The following GRID2 variants were observed in gnomAD, a reference collection of about 807,000 sequenced individuals.
GRID2 encodes glutamate ionotropic receptor delta type subunit 2, also known as glutamate receptor ionotropic, delta-2.
Under a neutral mutation model 114.8 loss-of-function variants are expected in GRID2, and 33 were observed. The observed-to-expected ratio is 0.29, with a 90% CI of 0.22 to 0.38. The LOEUF (loss-of-function observed/expected upper bound fraction) is 0.38, where lower values mean the gene tolerates loss of function less well. Among genes scored for constraint, GRID2 ranks in the 10% least tolerant of loss-of-function variants. The pLI, the probability that GRID2 is intolerant of heterozygous loss-of-function variation, is 1.00. For synonymous variants in GRID2, 505 were observed against 449.9 expected (o/e 1.12, Z -1.55); for missense variants, 1,184 against 1,257.7 (o/e 0.94, Z 0.89).
intron 1 of GRID2, among the ~76,000 whole-genome samples, chr4:92,398,553 C>T (rs191020807): frequency 6.6e-5 from 10 of 152,270 alleles, no homozygotes; most frequent in African/African-American, 2.4e-4. Flanking sequence ...CCTGCCTCGG[C>T]CTTGCAAAGT....
intron 1 of GRID2, among the ~76,000 whole-genome samples, chr4:93,799,438 C>CT (rs749961644): frequency 1.1e-3 from 163 of 145,572 alleles, no homozygotes; most frequent in East Asian, 5.0e-3. Context: ...ACTGCAGCCC[C>CT]TTTTTTTTTT....
intron 2 of GRID2, among the ~76,000 whole-genome samples, chr4:92,994,744 A>G (rs939618001): frequency 7.2e-5 from 11 of 152,200 alleles, no homozygotes; most frequent in Admixed American, 2.6e-4. Flanking sequence ...ATGAAAGGCC[A>G]TGTTTTAAAG....
At chr4:93,458,196 G>C (rs919993902) in intron 11 of GRID2, among the ~76,000 whole-genome samples, 1 of 152,160 alleles carries the variant, frequency 6.6e-6, no homozygotes, top group Non-Finnish European at 1.5e-5. Flanking sequence ...AGTAGTATAC[G>C]TTTGGTTGAC....
intron 1 of GRID2, among the ~76,000 whole-genome samples, chr4:92,550,456 A>G (rs555214802): frequency 1.3e-5 from 2 of 152,308 alleles, no homozygotes; most frequent in South Asian, 2.1e-4. Context: ...AAATTTCTTC[A>G]TGGGTGAATT....
intron 2 of GRID2, among the ~76,000 whole-genome samples, chr4:92,766,879 A>G (rs1426066516): frequency 2.0e-5 from 3 of 152,204 alleles, no homozygotes; most frequent in African/African-American, 7.2e-5. Context: ...CTAGGAGTTA[A>G]ATAAGGACTG....
chr4:92,873,792 G>T (rs138013269), intron 2 of GRID2, among the ~76,000 whole-genome samples: 2 of 152,034 alleles, frequency 1.3e-5, no homozygotes, highest in African/African-American at 2.4e-5. Context: ...TCGGCTCACC[G>T]CAACTTCCAC....
intron 1 of GRID2, among the ~76,000 whole-genome samples, chr4:92,553,948 C>G (rs2149175378): frequency 6.6e-6 from 1 of 152,240 alleles, no homozygotes; most frequent in Non-Finnish European, 1.5e-5. Flanking sequence ...CCGTGCCCAG[C>G]CTATCATTAA....
At chr4:92,806,690 A>G (rs1008569944) in intron 2 of GRID2, among the ~76,000 whole-genome samples, 1 of 151,972 alleles carries the variant, frequency 6.6e-6, no homozygotes, top group Non-Finnish European at 1.5e-5. Context: ...TCATAGTTTG[A>G]AAAAATAATT....
intron 2 of GRID2, among the ~76,000 whole-genome samples, chr4:92,783,240 G>C (rs1402418055): frequency 6.6e-6 from 1 of 151,984 alleles, no homozygotes; most frequent in African/African-American, 2.4e-5. Context: ...GTTTTCAAAT[G>C]CTTCTTTTAT....
In GRID2 at chr4:93,773,659, C is replaced by G. The variant is rs1354393989; in HGVS notation, c.*1161C>G. On this transcript the variant is annotated 3_prime_UTR_variant, in exon 16 of 16. Coordinates refer to ENST00000282020, the MANE Select transcript of GRID2 (RefSeq NM_001510.4). The stretch of plus-strand genomic sequence containing the variant: ...TCATTGAAGGTTAAAAATCCTCTTC[C>G]AAAGCAGCAAGTCAATCAATACAAT... 6.6e-6 allele frequency: 1 copy of G among 151,894 alleles called. No homozygotes were observed. Among genetic ancestry groups the G allele is most frequent in the Non-Finnish European group, 1.5e-5 (1 of 67,950 alleles). The allele number at this position is 151,894 out of a possible 1,614,324, so 9.4% of individuals were successfully genotyped here.
At chr4:93,034,028 G>C (rs1191901205) in intron 2 of GRID2, among the ~76,000 whole-genome samples, 1 of 152,142 alleles carries the variant, frequency 6.6e-6, no homozygotes, top group Non-Finnish European at 1.5e-5. Flanking sequence ...CCCTGAAGGG[G>C]GTGACTTCCA....
chr4:92,539,389 G>A (rs565849369), intron 1 of GRID2, among the ~76,000 whole-genome samples: 14 of 151,942 alleles, frequency 9.2e-5, no homozygotes, highest in African/African-American at 3.4e-4. Context: ...GTAAAACATA[G>A]CATTTATTTG....
intron 1 of GRID2, among the ~76,000 whole-genome samples, chr4:92,480,432 C>T (rs143283078): frequency 1.3e-5 from 2 of 152,218 alleles, no homozygotes; most frequent in Admixed American, 6.6e-5. Flanking sequence ...GTGAGCTTAT[C>T]ATCAAGAACT....
At chr4:92,518,752 T>G (rs1033241691) in intron 1 of GRID2, among the ~76,000 whole-genome samples, 2 of 151,862 alleles carry the variant, frequency 1.3e-5, no homozygotes, top group African/African-American at 4.8e-5. Flanking sequence ...CTTTAAGAAA[T>G]AGTTTATTCC....
intron 2 of GRID2, among the ~76,000 whole-genome samples, chr4:92,983,190 A>G (rs531177443): frequency 6.6e-6 from 1 of 152,188 alleles, no homozygotes; most frequent in Non-Finnish European, 1.5e-5. Context: ...AACAGAATAC[A>G]AGAGGATGGG....
intron 2 of GRID2, among the ~76,000 whole-genome samples, chr4:93,021,614 T>C (rs1023771129): frequency 6.9e-6 from 1 of 144,802 alleles, no homozygotes; most frequent in East Asian, 2.0e-4. Context: ...ATATTATTTA[T>C]ATATTGTATA....
chr4:92,741,537 A>G (rs544777383), intron 2 of GRID2, among the ~76,000 whole-genome samples: 5 of 152,160 alleles, frequency 3.3e-5, no homozygotes, highest in African/African-American at 7.2e-5. Context: ...GTCTTCCTCA[A>G]TCTACTCTAA....
At chr4:92,701,310 C>A (rs1009758971) in intron 2 of GRID2, among the ~76,000 whole-genome samples, 2 of 152,146 alleles carry the variant, frequency 1.3e-5, no homozygotes, top group African/African-American at 2.4e-5. Context: ...TATCCAAGCA[C>A]TTTCACTCCA....
At chr4:93,428,033 C>T (rs932922322) in intron 10 of GRID2, among the ~76,000 whole-genome samples, 1 of 151,460 alleles carries the variant, frequency 6.6e-6, no homozygotes, top group African/African-American at 2.4e-5. Flanking sequence ...GATAGAAGTA[C>T]CAAAAAAATT....
Sources: allele counts gnomAD v4.1 joint callset (sites outside exome capture counted in the v4.1 genomes callset), GRCh38; gene constraint gnomAD v4.1.1; transcripts MANE v1.5; gene names NCBI Gene and HGNC (gene_info 2026-07-23, HGNC 2026-07-21).